RBFOX1: variants seen among roughly 807,000 people sequenced by gnomAD.
The protein encoded by RBFOX1 is RNA binding protein fox-1 homolog 1.
Under a neutral mutation model 57.7 loss-of-function variants are expected in RBFOX1, and 8 were observed. The ratio of observed to expected loss-of-function variants is 0.14; its 90% CI spans 0.08 to 0.25. The LOEUF is 0.25. Ranked by LOEUF, RBFOX1 falls within the 10% of genes least tolerant of loss-of-function variation. The pLI is 1.00. For synonymous variants in RBFOX1, 326 were observed against 222.4 expected (o/e 1.47, Z -4.15); for missense variants, 611 against 548.5 (o/e 1.11, Z -1.14).
chr16:7,143,554 A>G (rs370236208), intron 4 of RBFOX1, among the ~76,000 whole-genome samples: 1 of 151,968 alleles, frequency 6.6e-6, no homozygotes, highest in South Asian at 2.1e-4. Context: ...AAATAACAAT[A>G]CCTTGTATTT....
chr16:6,077,684 T>TTTTATTTATTAATTTA (rs371733627), intron 1 of RBFOX1, among the ~76,000 whole-genome samples: 4 of 142,742 alleles, frequency 2.8e-5, no homozygotes, highest in Non-Finnish European at 4.6e-5. Flanking sequence ...CTTCTTTTAT[T>TTTTATTTATTAATTTA]TTTACTTATT....
intron 2 of RBFOX1, among the ~76,000 whole-genome samples, chr16:6,496,332 C>T (rs1338779785): frequency 6.6e-6 from 1 of 152,176 alleles, no homozygotes; most frequent in East Asian, 1.9e-4. Flanking sequence ...CATTCACAGG[C>T]TTCAACTTTT....
intron 4 of RBFOX1, among the ~76,000 whole-genome samples, chr16:7,284,180 A>G (rs1454680634): frequency 1.3e-5 from 2 of 152,298 alleles, no homozygotes; most frequent in East Asian, 3.9e-4. Context: ...TCACTAGTTG[A>G]AGGGCGGTTG....
chr16:6,463,876 C>A (rs931895452), intron 2 of RBFOX1, among the ~76,000 whole-genome samples: 2 of 152,132 alleles, frequency 1.3e-5, no homozygotes, highest in African/African-American at 4.8e-5. Flanking sequence ...CTCGCGCCCA[C>A]CATGACCTAG....
chr16:5,934,475 A>C (rs753489847), intron 4 of RBFOX1, among the ~76,000 whole-genome samples: 1 of 152,238 alleles, frequency 6.6e-6, no homozygotes, highest in South Asian at 2.1e-4. Flanking sequence ...TATGAGGTGA[A>C]TTACAAGACA....
In RBFOX1 at chr16:6,400,207, A is replaced by T. The variant is rs560674783; in HGVS notation, c.-64+83150A>T. On this transcript the variant is annotated intron_variant, in intron 2 of 15. Transcript: ENST00000550418. ...CCTCAAAGTAGACTACATGTTGGGT[A>T]TGAAATCTTAATGCATTTAAATTTT... 7.2e-5 allele frequency among the ~76,000 whole-genome samples: 11 copies of T among 152,320 alleles called. No individual in the cohort carries two copies. The East Asian group carries it at 1.7e-3, about 24-fold the overall frequency.
At chr16:7,170,199 C>G (rs1428652135) in intron 4 of RBFOX1, among the ~76,000 whole-genome samples, 1 of 152,170 alleles carries the variant, frequency 6.6e-6, no homozygotes, top group African/African-American at 2.4e-5. Flanking sequence ...AGCATGATGA[C>G]CAGATTAATA....
intron 4 of RBFOX1, among the ~76,000 whole-genome samples, chr16:7,266,286 G>A (rs554602973): frequency 1.3e-5 from 2 of 151,914 alleles, no homozygotes; most frequent in Non-Finnish European, 2.9e-5. Flanking sequence ...GTAGAGATGT[G>A]GTGATTTTAA....
intron 1 of RBFOX1, among the ~76,000 whole-genome samples, chr16:6,314,444 A>T (rs961306004): frequency 6.6e-6 from 1 of 152,202 alleles, no homozygotes; most frequent in Non-Finnish European, 1.5e-5. Flanking sequence ...GGAAGGGTCA[A>T]TGAAAGTTAC....
chr16:5,918,658 C>G (rs2058758075), intron 4 of RBFOX1, among the ~76,000 whole-genome samples: 1 of 152,230 alleles, frequency 6.6e-6, no homozygotes, highest in Non-Finnish European at 1.5e-5. Context: ...CATTCCTTAT[C>G]TCCAGGAAAA....
At chr16:6,120,517 G>A (rs188709269) in intron 1 of RBFOX1, among the ~76,000 whole-genome samples, 16 of 152,200 alleles carry the variant, frequency 1.1e-4, no homozygotes, top group East Asian at 3.9e-4. Flanking sequence ...TGGGTGGGTC[G>A]TATAATTTGT....
intron 3 of RBFOX1, among the ~76,000 whole-genome samples, chr16:5,636,242 G>A (rs977082566): frequency 6.6e-6 from 1 of 152,180 alleles, no homozygotes; most frequent in African/African-American, 2.4e-5. Context: ...CAGCTACTCT[G>A]GAGGCCGATG....
In RBFOX1 at chr16:7,521,247, G is replaced by A. The variant is rs140043788; in HGVS notation, c.270+2858G>A. On this transcript the variant is annotated intron_variant, in intron 5 of 15. Transcript: ENST00000550418. Reference sequence around the variant, plus strand: ...CTAAGAAGAGGCCAGTATGTTTTGGGCATGATGAAGGGGATTTGGAGGTGA... The same window carrying A: ...CTAAGAAGAGGCCAGTATGTTTTGGACATGATGAAGGGGATTTGGAGGTGA... Among the ~76,000 whole-genome samples, 22 of 152,298 alleles carry A rather than the reference G, an allele frequency of 1.4e-4. No homozygotes were observed. The East Asian group carries it at 4.3e-3, about 29-fold the overall frequency.
intron 3 of RBFOX1, among the ~76,000 whole-genome samples, chr16:6,974,437 C>T (rs531757674): frequency 6.9e-6 from 1 of 145,542 alleles, no homozygotes; most frequent in East Asian, 2.0e-4. Context: ...TTTCGCCTCC[C>T]AGGTTCAAGG....
chr16:6,625,157 TAAAAAAAAAAA>T (rs34634402), intron 2 of RBFOX1, among the ~76,000 whole-genome samples: 3 of 56,342 alleles, frequency 5.3e-5, no homozygotes, highest in Admixed American at 2.8e-4. Context: ...CAACCCTATC[TAAAAAAAAAAA>T]AAAAAAAAAA....
chr16:6,920,736 C>A (rs995448618), intron 3 of RBFOX1, among the ~76,000 whole-genome samples: 1 of 152,212 alleles, frequency 6.6e-6, no homozygotes, highest in South Asian at 2.1e-4. Flanking sequence ...CCAGTCTTTA[C>A]TTCATCTGCA....
chr16:7,570,883 C>T lies in RBFOX1; in HGVS notation c.271-8894C>T, dbSNP rs7204606. Among the ~76,000 whole-genome samples the T allele has an allele frequency of 1.8e-4, 27 of 152,194 alleles. No individual in the cohort carries two copies. The South Asian group carries it at 4.2e-3, about 23-fold the overall frequency. ...TAAAGAAAATGTGGTACATATACAC[C>T]GTGAAATACTATGTAGCCATGAAAG... is the stretch of plus-strand genomic sequence containing the variant. On this transcript the variant is annotated intron_variant, in intron 5 of 15. Coordinates refer to ENST00000550418, the MANE Select transcript of RBFOX1 (RefSeq NM_018723.4).
chr16:7,587,695 G>A (rs2094202681), intron 7 of RBFOX1, among the ~76,000 whole-genome samples: 1 of 152,148 alleles, frequency 6.6e-6, no homozygotes, highest in African/African-American at 2.4e-5. Flanking sequence ...CTGGGTTGTA[G>A]GGGAGAAAAA....
intron 4 of RBFOX1, among the ~76,000 whole-genome samples, chr16:7,359,583 G>A (rs1045674226): frequency 6.6e-6 from 1 of 152,140 alleles, no homozygotes; most frequent in African/African-American, 2.4e-5. Context: ...GTCCGGATTT[G>A]GGGCTCTTGA....
Sources: gnomAD v4.1 joint callset for allele counts (sites outside exome capture counted in the v4.1 genomes callset) on GRCh38, gnomAD v4.1.1 for gene constraint, MANE v1.5 for transcripts, NCBI Gene and HGNC (gene_info 2026-07-23, HGNC 2026-07-21) for gene names.